Variants in MOV10L1 observed in about 807,000 individuals in gnomAD.
MOV10L1 encodes RNA helicase Mov10l1.
Under a neutral mutation model 143.8 loss-of-function variants are expected in MOV10L1, and 110 were observed. The observed-to-expected ratio is 0.76, with a 90% CI of 0.66 to 0.90. The LOEUF is 0.90. Among genes scored for constraint, MOV10L1 ranks in the 40% least tolerant of loss-of-function variants. The pLI, the probability that MOV10L1 is intolerant of heterozygous loss-of-function variation, is 0.00. For missense variants in MOV10L1, 1,406 were observed against 1,526.8 expected (o/e 0.92, Z 1.32); for synonymous variants, 593 against 581.1 (o/e 1.02, Z -0.29).
intron 5 of MOV10L1, among the ~76,000 whole-genome samples, chr22:50,110,769 A>G (rs2062002726): frequency 6.6e-6 from 1 of 151,536 alleles, no homozygotes; most frequent in African/African-American, 2.4e-5. Flanking sequence ...CATCTCTACT[A>G]AAATACAAAA....
chr22:50,090,572 G>A, intron 1 of MOV10L1: 5 of 1,566,380 alleles, frequency 3.2e-6, no homozygotes, highest in Non-Finnish European at 2.6e-6. Context: ...CTTTCAGAAC[G>A]CGCTGCGCCA....
intron 19 of MOV10L1, among the ~76,000 whole-genome samples, chr22:50,148,886 G>A (rs905461066): frequency 2.0e-5 from 3 of 152,188 alleles, no homozygotes; most frequent in African/African-American, 7.2e-5. Context: ...GGATGGTCTT[G>A]ATCTCCTGAC....
chr22:50,092,211 A>G (rs1489839313), intron 2 of MOV10L1, 26 bp downstream of exon 2: 2 of 1,600,530 alleles, frequency 1.2e-6, no homozygotes, highest in African/African-American at 1.3e-5. Context: ...ATTTGGGAAC[A>G]GTTTTTCTTC....
At position 50,158,230 on chromosome 22, in the gene MOV10L1, G is replaced by T; in HGVS notation, c.3216+24G>T. On this transcript the variant is annotated intron_variant, in intron 23 of 26. Transcript: ENST00000262794. The surrounding 1 kb of genome is among the most constrained non-coding windows in gnomAD (Gnocchi z 5.0). ...AGGTACGCCCTGCCCAGGCACGCCT[G>T]GTTCTGTGAGGTCCCTGCAGCCCTG... is the stretch of plus-strand genomic sequence containing the variant. 1.2e-6 allele frequency: 2 copies of T among 1,613,544 alleles called. No homozygotes were observed. The highest frequency in any genetic ancestry group is 1.7e-6 in the Non-Finnish European group (2 of 1,179,804).
chr22:50,134,462 C>T, intron 14 of MOV10L1, 68 bp from the exon 15 acceptor site: 3 of 1,310,344 alleles, frequency 2.3e-6, no homozygotes, highest in Non-Finnish European at 3.3e-6. Context: ...CAGCCATAAA[C>T]AACCTCTATT....
chr22:50,113,904 GATCTT>G (rs2062091155), intron 6 of MOV10L1, 116 bp downstream of exon 6: 1 of 565,032 alleles, frequency 1.8e-6, no homozygotes, highest in Non-Finnish European at 2.6e-6. Flanking sequence ...TCTTTATGAA[GATCTT>G]TTCTTTTTTT....
chr22:50,132,287 TC>T (rs1316959488), intron 13 of MOV10L1, among the ~76,000 whole-genome samples: 1 of 152,228 alleles, frequency 6.6e-6, no homozygotes, highest in African/African-American at 2.4e-5. Flanking sequence ...GTCTGGCTGT[TC>T]CAGGTCTTTC....
chr22:50,090,334 G>T, intron 1 of MOV10L1, 149 bp downstream of exon 1: 1 of 1,483,372 alleles, frequency 6.7e-7, no homozygotes, highest in South Asian at 1.3e-5. Flanking sequence ...GGGGATCCCC[G>T]TTCGCCTCAG....
chr22:50,146,886 TGG>T (rs2063167523), intron 19 of MOV10L1: 4 of 599,218 alleles, frequency 6.7e-6, no homozygotes, highest in Admixed American at 2.9e-5. Flanking sequence ...ACATTTTTTT[TGG>T]TTCAAGTCTT....
intron 5 of MOV10L1, among the ~76,000 whole-genome samples, chr22:50,110,097 C>T (rs1048748574): frequency 3.3e-5 from 5 of 151,628 alleles, no homozygotes; most frequent in African/African-American, 4.9e-5. Flanking sequence ...TGCAGTGAGG[C>T]GAGATTGCAC....
intron 11 of MOV10L1, 121 bp from the exon 12 acceptor site, chr22:50,126,081 T>C (rs9617089): frequency 0.24 from 158,012 of 650,122 alleles, 20,394 homozygotes; most frequent in Admixed American, 0.37. Flanking sequence ...CATGAGCCAC[T>C]GCACCCAGCC....
chr22:50,120,430 G>A, intron 9 of MOV10L1, 72 bp from the exon 10 acceptor site: 1 of 950,066 alleles, frequency 1.1e-6, no homozygotes, highest in South Asian at 1.5e-5. Flanking sequence ...AGGAAAGGAT[G>A]TTTAGGTAAG....
intron 20 of MOV10L1, among the ~76,000 whole-genome samples, chr22:50,150,490 C>T (rs984460078): frequency 5.9e-5 from 9 of 152,076 alleles, no homozygotes; most frequent in African/African-American, 1.9e-4. Context: ...GGAGAGAAAA[C>T]CAGGCTGCAG....
Position 50,090,036 on chromosome 22 carries a change from C to A in MOV10L1, c.-53C>A. 1 of 1,163,022 alleles carries A rather than the reference C, an allele frequency of 8.6e-7. No homozygotes were observed. Among genetic ancestry groups the A allele is most frequent in the Non-Finnish European group, 1.1e-6 (1 of 939,404 alleles). 72.0% of individuals were successfully genotyped at this position (1,163,022 alleles called of 1,614,324 possible). On this transcript the variant is annotated 5_prime_UTR_variant, in exon 1 of 27. Transcript: ENST00000262794. ...TGGCGGGCGGCGGGAGCGGCGCGGG[C>A]GCGTGCGGGCGGCGGCAGCGGCGGT...
At chr22:50,135,468 C>T (rs768248676) in intron 15 of MOV10L1, among the ~76,000 whole-genome samples, 17 of 151,948 alleles carry the variant, frequency 1.1e-4, no homozygotes, top group Non-Finnish European at 1.9e-4. Context: ...ATAAAAACTT[C>T]TAGGCCGGTC....
chr22:50,117,016 C>CT, intron 8 of MOV10L1, 141 bp from the exon 9 acceptor site: 1 of 814,220 alleles, frequency 1.2e-6, no homozygotes. Context: ...TAGAAGATCT[C>CT]TTTTTTCTCT....
chr22:50,127,987 TCTCAAA>T (rs1437679941), intron 12 of MOV10L1, among the ~76,000 whole-genome samples: 2 of 152,106 alleles, frequency 1.3e-5, no homozygotes, highest in African/African-American at 4.8e-5. Flanking sequence ...GCCAGGCTGG[TCTCAAA>T]CTCCTGACCT....
intron 15 of MOV10L1, among the ~76,000 whole-genome samples, chr22:50,141,321 C>G (rs1241959628): frequency 2.0e-5 from 3 of 150,718 alleles, no homozygotes; most frequent in African/African-American, 7.3e-5. Context: ...TAGGCGTGAG[C>G]CACTGCGTGC....
chr22:50,129,205 C>T (rs1396022264), intron 13 of MOV10L1, among the ~76,000 whole-genome samples: 1 of 152,074 alleles, frequency 6.6e-6, no homozygotes, highest in Non-Finnish European at 1.5e-5. Flanking sequence ...TCATGTGCAC[C>T]GGATCTTTGG....
Sources: gnomAD v4.1 joint callset for allele counts (sites outside exome capture counted in the v4.1 genomes callset) on GRCh38, gnomAD v4.1.1 for gene constraint, Gnocchi (gnomAD v3.1) non-coding constraint, MANE v1.5 for transcripts, NCBI Gene and HGNC (gene_info 2026-07-23, HGNC 2026-07-21) for gene names.